KIF26B: variants seen among roughly 807,000 people sequenced by gnomAD.
KIF26B encodes the protein kinesin family member 26B, also known as kinesin-like protein KIF26B.
KIF26B carries 63 observed loss-of-function variants against 151.2 expected under a neutral mutation model. The ratio of observed to expected loss-of-function variants is 0.42; its 90% CI spans 0.34 to 0.51. The LOEUF (loss-of-function observed/expected upper bound fraction) is 0.51. KIF26B is among the 20% of genes least tolerant of loss of function. The pLI, the probability that KIF26B is intolerant of heterozygous loss-of-function variation, is 0.07. For synonymous variants in KIF26B, 1,357 were observed against 1,262.1 expected, an observed-to-expected ratio of 1.08 and a Z score of -1.59; for missense variants, 2,813 against 2,913.6, an observed-to-expected ratio of 0.97 and a Z score of 0.79.
intron 9 of KIF26B, chr1:245,615,109 T>G (rs1448257061): frequency 6.6e-6 from 1 of 152,246 alleles, no homozygotes; most frequent in Admixed American, 6.5e-5. Context: ...TTCTCCTGGG[T>G]AGTGTCTTCA....
intron 4 of KIF26B, among the ~76,000 whole-genome samples, chr1:245,526,957 T>C (rs1231947799): frequency 6.6e-6 from 1 of 152,254 alleles, no homozygotes; most frequent in East Asian, 1.9e-4. Context: ...CTCATGCTGT[T>C]CAAGATAATT....
chr1:245,403,397 G>T (rs1402607830), intron 3 of KIF26B, among the ~76,000 whole-genome samples: 2 of 152,210 alleles, frequency 1.3e-5, no homozygotes. Context: ...TATTTCCTCA[G>T]TGGGCATGTT....
chr1:245,593,283 T>C (rs935324023), intron 5 of KIF26B, among the ~76,000 whole-genome samples: 48 of 152,316 alleles, frequency 3.2e-4, no homozygotes, highest in African/African-American at 1.1e-3. Context: ...CAACCCGTCA[T>C]CTACATTAGG....
At chr1:245,401,229 A>G (rs550922375) in intron 3 of KIF26B, among the ~76,000 whole-genome samples, 1 of 152,290 alleles carries the variant, frequency 6.6e-6, no homozygotes, top group African/African-American at 2.4e-5. Flanking sequence ...GAGGTGTGAA[A>G]ATTATCCAGA....
intron 10 of KIF26B, among the ~76,000 whole-genome samples, chr1:245,652,300 G>C (rs1278080865): frequency 6.6e-6 from 1 of 152,024 alleles, no homozygotes; most frequent in Non-Finnish European, 1.5e-5. Context: ...AATAACCAAA[G>C]TCTCAGGTTG....
chr1:245,316,946 T>C (rs1221845728), intron 2 of KIF26B, among the ~76,000 whole-genome samples: 1 of 150,176 alleles, frequency 6.7e-6, no homozygotes, highest in Non-Finnish European at 1.5e-5. Flanking sequence ...GTGGAGGGAC[T>C]CCCGAGACCT....
At chr1:245,262,484 G>T (rs977457853) in intron 2 of KIF26B, among the ~76,000 whole-genome samples, 2 of 151,668 alleles carry the variant, frequency 1.3e-5, no homozygotes, top group Non-Finnish European at 1.5e-5. Flanking sequence ...ATGGAGTTTC[G>T]CTATTGTTGC....
intron 2 of KIF26B, among the ~76,000 whole-genome samples, chr1:245,299,320 GTTTTTTTTTT>G (rs55957858): frequency 4.2e-4 from 43 of 103,188 alleles, no homozygotes; most frequent in African/African-American, 1.4e-3. Flanking sequence ...CCAATTCTGG[GTTTTTTTTTT>G]TTTTTTTTTT....
intron 9 of KIF26B, among the ~76,000 whole-genome samples, chr1:245,623,451 C>A (rs1303857118): frequency 6.6e-6 from 1 of 152,178 alleles, no homozygotes. Flanking sequence ...TAATAGTCCA[C>A]TGCCCAGATA....
At chr1:245,700,384 A>AAGTTCAACAACAGGAGACATTTCC (rs2044753810) in intron 14 of KIF26B, among the ~76,000 whole-genome samples, 1 of 152,104 alleles carries the variant, frequency 6.6e-6, no homozygotes, top group Non-Finnish European at 1.5e-5. Flanking sequence ...TATTATCCCA[A>AAGTTCAACAACAGGAGACATTTCC]AGTTCAACAA....
intron 9 of KIF26B, 64 bp downstream of exon 9, chr1:245,612,040 G>A: frequency 2.8e-6 from 4 of 1,416,346 alleles, no homozygotes; most frequent in Non-Finnish European, 3.9e-6. Flanking sequence ...AAATCCCTTG[G>A]GCAACCATGA....
rs144529309 is a variant in KIF26B, at chr1:245,434,280, G to A, written c.1166+14535G>A. Among the ~76,000 whole-genome samples, 878 of 152,292 alleles carry A rather than the reference G, an allele frequency of 5.8e-3. 11 individuals are homozygous for A. The highest frequency in any genetic ancestry group is 0.02 in the African/African-American group (850 of 41,568). ...AAAGTGTTCAGCGATAAAAATAATT[G>A]CTTTGTTTTTACCTTTGAGGAACTC... On this transcript the variant is annotated intron_variant, in intron 4 of 14. Transcript: ENST00000407071.
At chr1:245,195,225 T>C (rs1383616338) in intron 2 of KIF26B, among the ~76,000 whole-genome samples, 1 of 152,224 alleles carries the variant, frequency 6.6e-6, no homozygotes, top group Non-Finnish European at 1.5e-5. Flanking sequence ...TGCATGTCAC[T>C]TTTACTGAAG....
intron 2 of KIF26B, among the ~76,000 whole-genome samples, chr1:245,342,484 G>A (rs1050551015): frequency 8.5e-5 from 13 of 152,162 alleles, no homozygotes; most frequent in South Asian, 2.1e-4. Context: ...GTCACCCACC[G>A]GTGGCTCCTC....
At chr1:245,683,028 G>A (rs977642810) in intron 10 of KIF26B, among the ~76,000 whole-genome samples, 23 of 152,154 alleles carry the variant, frequency 1.5e-4, no homozygotes, top group African/African-American at 3.6e-4. Flanking sequence ...TTAGCCCAGC[G>A]TCGCCAAACT....
At chr1:245,539,328 C>T (rs1427042462) in intron 4 of KIF26B, among the ~76,000 whole-genome samples, 4 of 152,084 alleles carry the variant, frequency 2.6e-5, no homozygotes, top group African/African-American at 7.2e-5. Flanking sequence ...TGAAGGAGAC[C>T]GGGGTCGGGG....
rs181037680 is a variant in KIF26B, at chr1:245,624,081, T to G, written c.2098+12105T>G. Among the ~76,000 whole-genome samples the G allele has an allele frequency of 3.3e-3, 504 of 152,268 alleles. 2 individuals are homozygous for G. The highest frequency in any genetic ancestry group is 0.012 in the African/African-American group (478 of 41,550). ...TACTCTCCCCCCTGCTCACTCGCTC[T>G]CTCTCCTGCTCTGCCATGGGAAGAT... On this transcript the variant is annotated intron_variant, in intron 9 of 14. Transcript: ENST00000407071.
rs1553270563 is a variant in KIF26B at position 245,395,006 on chromosome 1, A to G, written c.1000-24573A>G. Among the ~76,000 whole-genome samples, 3 of 152,234 alleles carry G rather than the reference A, an allele frequency of 2.0e-5. No individual in the cohort carries two copies. In the Middle Eastern group the frequency reaches 0.01, roughly 518 times the overall value. Reference sequence around the variant, plus strand: ...TCACGCCCAGCCAAGGTGTTTTCTTAGTAGGTGAAATTACTGAGTTAGAAG... The same window carrying G: ...TCACGCCCAGCCAAGGTGTTTTCTTGGTAGGTGAAATTACTGAGTTAGAAG... On this transcript the variant is annotated intron_variant, in intron 3 of 14. Coordinates refer to ENST00000407071, the MANE Select transcript of KIF26B (RefSeq NM_018012.4).
chr1:245,259,001 A>G (rs1670587852), intron 2 of KIF26B, among the ~76,000 whole-genome samples: 1 of 152,196 alleles, frequency 6.6e-6, no homozygotes, highest in Non-Finnish European at 1.5e-5. Flanking sequence ...CATGTGTGCC[A>G]GTCCAGTTTC....
Sources: gnomAD v4.1 joint callset for allele counts (sites outside exome capture counted in the v4.1 genomes callset) on GRCh38, gnomAD v4.1.1 for gene constraint, MANE v1.5 for transcripts, NCBI Gene and HGNC (gene_info 2026-07-23, HGNC 2026-07-21) for gene names.